EIF2AK1: variants seen among roughly 807,000 people sequenced by gnomAD.
EIF2AK1 encodes the protein eukaryotic translation initiation factor 2 alpha kinase 1, also known as eukaryotic translation initiation factor 2-alpha kinase 1.
EIF2AK1 carries 54 observed loss-of-function variants against 77.9 expected under a neutral mutation model. That is an observed-to-expected ratio of 0.69 (90% confidence interval 0.56 to 0.87). The LOEUF is 0.87. Among genes scored for constraint, EIF2AK1 ranks in the 40% least tolerant of loss-of-function variants. The probability of loss-of-function intolerance (pLI) is 0.00; values close to 1 mark genes in which losing one functional copy is unlikely to be tolerated. For missense variants in EIF2AK1, 810 were observed against 768.6 expected, an observed-to-expected ratio of 1.05 and a Z score of -0.64; for synonymous variants, 314 against 290.5, an observed-to-expected ratio of 1.08 and a Z score of -0.82.
chr7:6,024,134 A>G lies in EIF2AK1; in HGVS notation c.*539T>C, dbSNP rs1787668294. On this transcript the variant is annotated 3_prime_UTR_variant, in exon 15 of 15. Coordinates refer to ENST00000199389, the MANE Select transcript of EIF2AK1 (RefSeq NM_014413.4). ...GCTAAACTGAAGGTGGAGAGAACAG[A>G]TAAAAAGGTTGGAAGTTGCACACTG... is the stretch of plus-strand genomic sequence containing the variant. The G allele has an allele frequency of 7.7e-7, 1 of 1,294,646 alleles. No individual in the cohort carries two copies. Among genetic ancestry groups the G allele is most frequent in the African/African-American group, 1.5e-5 (1 of 66,086 alleles). 80.2% of individuals were successfully genotyped at this position (1,294,646 alleles called of 1,614,324 possible). A position where few individuals can be genotyped will look rare whatever the true frequency, so the allele number is the denominator to read the frequency against.
intron 6 of EIF2AK1, among the ~76,000 whole-genome samples, chr7:6,045,855 C>T (rs953730093): frequency 6.6e-6 from 1 of 151,452 alleles, no homozygotes; most frequent in Admixed American, 6.6e-5. Context: ...GCCGAGATCA[C>T]GCCACTTTAC....
intron 1 of EIF2AK1, among the ~76,000 whole-genome samples, chr7:6,056,613 A>ATATAT (rs1554324681): frequency 4.6e-5 from 2 of 43,730 alleles, no homozygotes; most frequent in Admixed American, 2.4e-4. Flanking sequence ...AAAAAAAAAA[A>ATATAT]ATATATATAT....
chr7:6,026,263 T>C (rs1365599174), intron 14 of EIF2AK1, among the ~76,000 whole-genome samples: 1 of 152,080 alleles, frequency 6.6e-6, no homozygotes, highest in African/African-American at 2.4e-5. Flanking sequence ...GCCCTGCCAG[T>C]GATGAGCCCC....
intron 1 of EIF2AK1, 150 bp downstream of exon 1, chr7:6,058,816 C>T (rs887814732): frequency 1.7e-6 from 1 of 590,884 alleles, no homozygotes; most frequent in Non-Finnish European, 2.8e-6. Flanking sequence ...CGCCGCCCCC[C>T]CTCGCACTGC....
rs1788701251 is a variant in EIF2AK1, at chr7:6,054,668, T to C, written c.155A>G (p.Glu52Gly). 1 of 1,614,008 alleles carries C rather than the reference T, an allele frequency of 6.2e-7. No individual in the cohort carries two copies. The highest frequency in any genetic ancestry group is 1.3e-5 in the African/African-American group (1 of 74,942). The change falls in exon 2 of 15, where the codon GAA (glutamate) becomes GGA (glycine). Residue 52 changes from glutamate (E) to glycine (G), a missense_variant. By Grantham distance (98) the Glu-to-Gly change is moderately conservative. This residue lies in a region of EIF2AK1 where 246 missense variants were observed against 199.0 expected (regional missense o/e 1.24). Transcript: ENST00000199389. ...AGGGAAGGTTGGCTGTTGTAGGGGT[T>C]CTTTTAACACCTGGATTTCTGCTGG... ...DVPAEIQVLK[E>G]PLQQPTFPFA...
rs1787653339 is a variant in EIF2AK1, at chr7:6,023,807, A to G, written c.*866T>C. 1 of 1,579,094 alleles carries G rather than the reference A, an allele frequency of 6.3e-7. No individual in the cohort carries two copies. Among genetic ancestry groups the G allele is most frequent in the Non-Finnish European group, 8.6e-7 (1 of 1,160,922 alleles). ...GTCTTTTTATTTAGGCCAGTTGTCAAGTGTCAATAAAAGCATCATGTAATT... is the reference window on the plus strand; with the variant it reads ...GTCTTTTTATTTAGGCCAGTTGTCAGGTGTCAATAAAAGCATCATGTAATT... On this transcript the variant is annotated 3_prime_UTR_variant, in exon 15 of 15. Transcript: ENST00000199389.
chr7:6,041,024 G>A lies in EIF2AK1; in HGVS notation c.987C>T (p.Gly329=). Residue 329 remains glycine, a synonymous_variant, in exon 9 of 15, where the codon GGC becomes GGT. Transcript: ENST00000199389. ...LESTLELQEN[G]LAGLSASSIV... ...TTGAACTGGCAGACAAACCAGCCAA[G>A]CCATTTTCCTGGAGCTCCAGGGTCG... The A allele has an allele frequency of 1.9e-6, 3 of 1,614,162 alleles. No homozygotes were observed. The highest frequency in any genetic ancestry group is 2.5e-6 in the Non-Finnish European group (3 of 1,180,026).
intron 7 of EIF2AK1, 104 bp downstream of exon 7, chr7:6,044,455 AACC>A: frequency 1.1e-6 from 1 of 886,740 alleles, no homozygotes; most frequent in South Asian, 1.8e-5. Context: ...AATATGTAAA[AACC>A]ATTCTCAGCT....
rs1788045170 is a variant in EIF2AK1, at chr7:6,035,301, A to T, written c.1332+2123T>A. 1.2e-6 allele frequency: 1 copy of T among 839,126 alleles called. No individual in the cohort carries two copies. The highest frequency in any genetic ancestry group is 1.8e-6 in the Non-Finnish European group (1 of 554,732). 52.0% of individuals were successfully genotyped at this position (839,126 alleles called of 1,614,324 possible). A position where few individuals can be genotyped will look rare whatever the true frequency, so the allele number is the denominator to read the frequency against. ...CCTGGGATAGCCTGAGAAACTACCC[A>T]GCGATACAGATTTTGAAACACGTCC... is the stretch of plus-strand genomic sequence containing the variant. On this transcript the variant is annotated intron_variant, in intron 11 of 14. Coordinates refer to ENST00000199389, the MANE Select transcript of EIF2AK1 (RefSeq NM_014413.4). This position sits in a 1 kb window ranked among gnomAD's most constrained non-coding sequence, Gnocchi z 5.5.
rs917652723 is a variant in EIF2AK1 at position 6,036,379 on chromosome 7, C to A, written c.1332+1045G>T. On this transcript the variant is annotated intron_variant, in intron 11 of 14. Coordinates refer to ENST00000199389, the MANE Select transcript of EIF2AK1 (RefSeq NM_014413.4). This position sits in a 1 kb window ranked among gnomAD's most constrained non-coding sequence, Gnocchi z 4.6. The stretch of plus-strand genomic sequence containing the variant: ...TACTGCTGTTATGACTTGGCATATA[C>A]CTCTTGAAATAAGACCTCCCAGTTT... 1 of 1,472,744 alleles carries A rather than the reference C, an allele frequency of 6.8e-7. No homozygotes were observed. Among genetic ancestry groups the A allele is most frequent in the Non-Finnish European group, 9.0e-7 (1 of 1,112,974 alleles). 91.2% of individuals were successfully genotyped at this position (1,472,744 alleles called of 1,614,324 possible).
Position 6,023,045 on chromosome 7 carries a change from G to A in EIF2AK1, c.*1628C>T, listed in dbSNP as rs925840644. 2.4e-6 allele frequency: 1 copy of A among 410,716 alleles called. No individual in the cohort carries two copies. The highest frequency in any genetic ancestry group is 4.3e-6 in the Non-Finnish European group (1 of 233,602). The allele number at this position is 410,716 out of a possible 1,614,324, so 25.4% of individuals were successfully genotyped here. A position where few individuals can be genotyped will look rare whatever the true frequency, so the allele number is the denominator to read the frequency against. On this transcript the variant is annotated 3_prime_UTR_variant, in exon 15 of 15. Coordinates refer to ENST00000199389, the MANE Select transcript of EIF2AK1 (RefSeq NM_014413.4). ...GCAGGGATTGGAGCAGGTGGTCTGA[G>A]GTCCCTTCTAGCTTCAGAAGTGTCA...
At chr7:6,048,353 C>T (rs1192846164) in intron 4 of EIF2AK1, among the ~76,000 whole-genome samples, 1 of 152,152 alleles carries the variant, frequency 6.6e-6, no homozygotes, top group Non-Finnish European at 1.5e-5. Flanking sequence ...TTATGACTGG[C>T]TGTTTTTACT....
chr7:6,058,537 G>A (rs530405101), intron 1 of EIF2AK1, among the ~76,000 whole-genome samples: 17 of 152,294 alleles, frequency 1.1e-4, no homozygotes, highest in African/African-American at 3.6e-4. Flanking sequence ...CTCCAATGAA[G>A]CAAAAGACAA....
chr7:6,044,417 G>A (rs1583491326), intron 7 of EIF2AK1, 145 bp downstream of exon 7: 6 of 619,322 alleles, frequency 9.7e-6, no homozygotes, highest in African/African-American at 3.8e-5. Context: ...CAGCCTGGGC[G>A]ACAGAGTGAG....
At chr7:6,045,297 G>C (rs774213596) in intron 6 of EIF2AK1, among the ~76,000 whole-genome samples, 8 of 151,960 alleles carry the variant, frequency 5.3e-5, no homozygotes, top group Non-Finnish European at 1.0e-4. Flanking sequence ...GTAGAGACAG[G>C]GTTGTGCTAT....
intron 1 of EIF2AK1, 132 bp downstream of exon 1, chr7:6,058,834 G>C (rs1788870109): frequency 1.4e-6 from 1 of 740,380 alleles, no homozygotes; most frequent in Non-Finnish European, 2.0e-6. Context: ...TGCGCGGCTG[G>C]GCCGCCGGTT....
chr7:6,024,996 G>A (rs890496579), intron 14 of EIF2AK1, among the ~76,000 whole-genome samples, 195 bp from the exon 15 acceptor site: 4 of 151,932 alleles, frequency 2.6e-5, no homozygotes, highest in African/African-American at 9.7e-5. Context: ...TCTCATACAA[G>A]CCCAGCTAGT....
At chr7:6,025,871 A>C (rs1787731825) in intron 14 of EIF2AK1, among the ~76,000 whole-genome samples, 1 of 152,022 alleles carries the variant, frequency 6.6e-6, no homozygotes, top group South Asian at 2.1e-4. Flanking sequence ...AACATCAGGC[A>C]ATCCTCCCAC....
At chr7:6,057,447 T>C (rs2128452577) in intron 1 of EIF2AK1, 1 of 152,122 alleles carries the variant, frequency 6.6e-6, no homozygotes, top group East Asian at 1.9e-4. Context: ...TCAAAGTGTA[T>C]TCTCTGCAGT....
Sources: gnomAD v4.1 joint callset for allele counts (sites outside exome capture counted in the v4.1 genomes callset) on GRCh38, gnomAD v4.1.1 for gene constraint, gnomAD v4.1.1 regional missense constraint, Gnocchi (gnomAD v3.1) non-coding constraint, MANE v1.5 for transcripts, NCBI Gene and HGNC (gene_info 2026-07-23, HGNC 2026-07-21) for gene names.